The following IPO5 variants were observed in gnomAD, a reference collection of about 807,000 sequenced individuals.
IPO5 encodes importin-5.
IPO5 carries 18 observed loss-of-function variants against 143.3 expected under a neutral mutation model. The observed-to-expected ratio is 0.13, with a 90% CI of 0.09 to 0.19. The LOEUF (loss-of-function observed/expected upper bound fraction) is 0.19. IPO5 is among the 10% of genes least tolerant of loss of function. The pLI, the probability that IPO5 is intolerant of heterozygous loss-of-function variation, is 1.00. For synonymous variants in IPO5, 477 were observed against 465.7 expected, an observed-to-expected ratio of 1.02 and a Z score of -0.31; for missense variants, 1,013 against 1,336.9, an observed-to-expected ratio of 0.76 and a Z score of 3.78.
intron 20 of IPO5, among the ~76,000 whole-genome samples, chr13:98,011,337 C>G (rs143342407): frequency 2.5e-3 from 375 of 152,264 alleles, no homozygotes; most frequent in African/African-American, 8.8e-3. Flanking sequence ...GTCGCTCAGG[C>G]TGGAGTACAG....
At chr13:98,016,876 T>A (rs756203047) in intron 25 of IPO5, 25 bp downstream of exon 25, 4 of 1,479,852 alleles carry the variant, frequency 2.7e-6, no homozygotes, top group Non-Finnish European at 9.0e-7. Flanking sequence ...TCTTAATAGT[T>A]GTTTTGCGTA....
chr13:98,014,542 A>G (rs531079287), intron 22 of IPO5, among the ~76,000 whole-genome samples: 2 of 152,248 alleles, frequency 1.3e-5, no homozygotes, highest in Non-Finnish European at 1.5e-5. Flanking sequence ...GATGTAAGGC[A>G]GCTAAATAAA....
At chr13:97,956,671 T>G (rs1193080925) in intron 2 of IPO5, among the ~76,000 whole-genome samples, 1 of 152,216 alleles carries the variant, frequency 6.6e-6, no homozygotes, top group African/African-American at 2.4e-5. Context: ...TATGATTTTC[T>G]TCTGGTTTTT....
intron 2 of IPO5, among the ~76,000 whole-genome samples, chr13:97,964,139 A>G (rs940362820): frequency 6.6e-6 from 1 of 152,126 alleles, no homozygotes; most frequent in African/African-American, 2.4e-5. Context: ...CCCATTCTGT[A>G]GGCTGCCTGT....
chr13:98,019,335 G>C (rs546670760), intron 26 of IPO5, among the ~76,000 whole-genome samples: 1 of 152,156 alleles, frequency 6.6e-6, no homozygotes, highest in Non-Finnish European at 1.5e-5. Flanking sequence ...GATGAGTACT[G>C]TAAATCTGGA....
intron 13 of IPO5, 156 bp from the exon 14 acceptor site, chr13:98,002,311 G>A (rs939659950): frequency 5.9e-5 from 35 of 588,622 alleles, no homozygotes; most frequent in African/African-American, 1.5e-4. Flanking sequence ...CACCGCGCCC[G>A]GCCTATACAA....
intron 12 of IPO5, 120 bp downstream of exon 12, chr13:97,997,738 G>T (rs1888419260): frequency 4.4e-6 from 2 of 456,584 alleles, no homozygotes; most frequent in Non-Finnish European, 7.9e-6. Context: ...GGGGCACTTT[G>T]CCTTGCTGTT....
At chr13:98,020,218 G>T (rs561503447) in intron 27 of IPO5, among the ~76,000 whole-genome samples, 5 of 152,260 alleles carry the variant, frequency 3.3e-5, no homozygotes, top group Admixed American at 6.5e-5. Context: ...CTAAGGGAAT[G>T]TTGTTTAGTG....
At chr13:98,016,928 C>A in intron 25 of IPO5, 77 bp downstream of exon 25, 3 of 1,129,830 alleles carry the variant, frequency 2.7e-6, no homozygotes, top group East Asian at 2.8e-5. Context: ...AAATCTAATG[C>A]TTGAAGTTAA....
chr13:98,018,282 A>G (rs569098119), intron 25 of IPO5, among the ~76,000 whole-genome samples: 4 of 152,350 alleles, frequency 2.6e-5, no homozygotes, highest in East Asian at 1.9e-4. Context: ...AACAAATCAT[A>G]CAAGTCTTTG....
chr13:97,963,351 C>G (rs1191651976), intron 2 of IPO5: 1 of 151,242 alleles, frequency 6.6e-6, no homozygotes, highest in East Asian at 2.0e-4. Context: ...GCCGGTAACA[C>G]TTGTGTCTTA....
Position 98,023,511 on chromosome 13 carries a change from G to T in IPO5, c.*1689G>T, listed in dbSNP as rs1890608086. ...ACTTTATTACTACACTTGCAGAAAAGAAACATGTTAAAATCATGGCACACC... is the reference window on the plus strand; with the variant it reads ...ACTTTATTACTACACTTGCAGAAAATAAACATGTTAAAATCATGGCACACC... On this transcript the variant is annotated 3_prime_UTR_variant, in exon 29 of 29. Coordinates refer to ENST00000651721, the MANE Select transcript of IPO5 (RefSeq NM_002271.6). 6.6e-6 allele frequency: 1 copy of T among 152,098 alleles called. No homozygotes were observed. The highest frequency in any genetic ancestry group is 1.9e-4 in the East Asian group (1 of 5,200). 9.4% of individuals were successfully genotyped at this position (152,098 alleles called of 1,614,324 possible). A position where few individuals can be genotyped will look rare whatever the true frequency, so the allele number is the denominator to read the frequency against.
chr13:98,001,226 T>C, intron 13 of IPO5, among the ~76,000 whole-genome samples: 1 of 152,378 alleles, frequency 6.6e-6, no homozygotes, highest in Non-Finnish European at 1.5e-5. Flanking sequence ...ACCTGTAATA[T>C]ATATATCAAT....
rs189972535 is a variant in IPO5 at position 97,997,496 on chromosome 13, A to C, written c.914-35A>C. Reference sequence around the variant, plus strand: ...ATAGTGATATGGATAAGATAAAGTCACAGTCTTCGGGTATGAAATAATTGT... The same window carrying C: ...ATAGTGATATGGATAAGATAAAGTCCCAGTCTTCGGGTATGAAATAATTGT... On this transcript the variant is annotated intron_variant, in intron 11 of 28. Transcript: ENST00000651721. 1.8e-3 allele frequency: 2,198 copies of C among 1,204,138 alleles called. 8 individuals are homozygous for C. Among genetic ancestry groups the C allele is most frequent in the African/African-American group, 0.011 (709 of 66,780 alleles). 74.6% of individuals were successfully genotyped at this position (1,204,138 alleles called of 1,614,324 possible). A position where few individuals can be genotyped will look rare whatever the true frequency, so the allele number is the denominator to read the frequency against.
At chr13:97,975,875 C>T (rs541688494) in intron 3 of IPO5, 36 of 982,140 alleles carry the variant, frequency 3.7e-5, no homozygotes, top group Non-Finnish European at 4.4e-5. Context: ...GCTGAGTAAC[C>T]CCTCTTCCGG....
At chr13:98,019,440 A>G in intron 26 of IPO5, 141 bp from the exon 27 acceptor site, 1 of 655,450 alleles carries the variant, frequency 1.5e-6, no homozygotes, top group Admixed American at 2.8e-5. Context: ...CTGTAATGAC[A>G]TAGCCAAGAA....
chr13:97,982,615 C>A, intron 5 of IPO5, 32 bp downstream of exon 5: 2 of 1,314,468 alleles, frequency 1.5e-6, no homozygotes, highest in Non-Finnish European at 2.2e-6. Context: ...CTATTACATT[C>A]TTAGAAAATA....
At chr13:98,014,279 GT>G in intron 22 of IPO5, 65 bp downstream of exon 22, 1 of 1,238,188 alleles carries the variant, frequency 8.1e-7, no homozygotes. Flanking sequence ...CTTGCTAAAA[GT>G]AAAAAAAAAA....
Position 98,003,664 on chromosome 13 carries a change from A to T in IPO5, c.1497+627A>T, listed in dbSNP as rs145579219. 6.0e-3 allele frequency among the ~76,000 whole-genome samples: 920 copies of T among 152,234 alleles called. 11 individuals carry two copies. The highest frequency in any genetic ancestry group is 0.021 in the African/African-American group (869 of 41,542). On this transcript the variant is annotated intron_variant, in intron 16 of 28. Transcript: ENST00000651721. Reference sequence around the variant, plus strand: ...CAGGAGTTCGAGACCAGCCTGGCCAACATGGTGAAATCCCATCTCTCCTAA... The same window carrying T: ...CAGGAGTTCGAGACCAGCCTGGCCATCATGGTGAAATCCCATCTCTCCTAA...
Sources: allele counts gnomAD v4.1 joint callset (sites outside exome capture counted in the v4.1 genomes callset), GRCh38; gene constraint gnomAD v4.1.1; transcripts MANE v1.5; gene names NCBI Gene and HGNC (gene_info 2026-07-23, HGNC 2026-07-21).